The following PPP4R1 variants were observed in gnomAD, a reference collection of about 807,000 sequenced individuals.
PPP4R1 encodes serine/threonine-protein phosphatase 4 regulatory subunit 1.
PPP4R1 carries 42 observed loss-of-function variants against 111.2 expected under a neutral mutation model. The observed-to-expected ratio is 0.38, with a 90% CI of 0.29 to 0.49. The LOEUF (loss-of-function observed/expected upper bound fraction) is 0.49, where lower values mean the gene tolerates loss of function less well. PPP4R1 is among the 20% of genes least tolerant of loss of function. The pLI, the probability that PPP4R1 is intolerant of heterozygous loss-of-function variation, is 0.97. For synonymous variants in PPP4R1, 409 were observed against 405.5 expected, an observed-to-expected ratio of 1.01 and a Z score of -0.10; for missense variants, 1,012 against 1,161.6, an observed-to-expected ratio of 0.87 and a Z score of 1.87.
rs1257894200 is a variant in PPP4R1, at chr18:9,588,088, C to T, written c.585+1G>A. On this transcript the variant is annotated splice_donor_variant, in intron 6 of 19. Coordinates refer to ENST00000400556, the MANE Select transcript of PPP4R1 (RefSeq NM_001042388.3). LOFTEE classifies it high-confidence loss of function. The stretch of plus-strand genomic sequence containing the variant: ...AAGTGGAAAAATGGCATTTGACTTA[C>T]AGCCACAGCTTCTGTTTTCACATCA... The T allele has an allele frequency of 1.2e-6, 2 of 1,613,486 alleles. No homozygotes were observed. Among genetic ancestry groups the T allele is most frequent in the African/African-American group, 1.3e-5 (1 of 75,024 alleles).
chr18:9,593,636 G>A (rs2067246482), intron 4 of PPP4R1, 132 bp downstream of exon 4: 1 of 790,298 alleles, frequency 1.3e-6, no homozygotes, highest in Non-Finnish European at 1.9e-6. Context: ...TCACTGATGG[G>A]TTTGATAATT....
Position 9,547,840 on chromosome 18 carries a change from G to A in PPP4R1, c.2802C>T (p.Ala934=). 6.2e-7 allele frequency: 1 copy of A among 1,613,562 alleles called. No individual in the cohort carries two copies. Among genetic ancestry groups the A allele is most frequent in the African/African-American group, 1.3e-5 (1 of 74,998 alleles). Residue 934 remains alanine, a synonymous_variant, in exon 20 of 20, where the codon GCC becomes GCT. Transcript: ENST00000400556. ...DVKYFASIHP[A]STKISEDAMS... is the part of the protein sequence containing the mutation. Reference sequence around the variant, plus strand: ...TGGCATCTTCGGAGATTTTGGTACTGGCAGGGTGGATGCTTGCAAAATACT... The same window carrying A: ...TGGCATCTTCGGAGATTTTGGTACTAGCAGGGTGGATGCTTGCAAAATACT...
chr18:9,583,359 GCTT>G, intron 8 of PPP4R1, 84 bp from the exon 9 acceptor site: 7 of 1,271,182 alleles, frequency 5.5e-6, no homozygotes, highest in Non-Finnish European at 6.4e-6. Context: ...CTGCTTTCAC[GCTT>G]CTTTTGTTTG....
intron 13 of PPP4R1, among the ~76,000 whole-genome samples, chr18:9,561,437 T>C (rs913422070): frequency 1.3e-5 from 2 of 151,954 alleles, no homozygotes; most frequent in African/African-American, 4.8e-5. Flanking sequence ...AGTCCTGGTG[T>C]GCTCACAGGA....
In PPP4R1 at chr18:9,547,702, G is replaced by C; in HGVS notation, c.*87C>G. On this transcript the variant is annotated 3_prime_UTR_variant, in exon 20 of 20. Transcript: ENST00000400556. Reference sequence around the variant, plus strand: ...AGGAGAGGAAGGTCTCTCCTCCCCCGAAAGCTATCCCAGGTCACATGCGTG... The same window carrying C: ...AGGAGAGGAAGGTCTCTCCTCCCCCCAAAGCTATCCCAGGTCACATGCGTG... 1 of 1,513,210 alleles carries C rather than the reference G, an allele frequency of 6.6e-7. No individual in the cohort carries two copies. Among genetic ancestry groups the C allele is most frequent in the Non-Finnish European group, 9.1e-7 (1 of 1,104,364 alleles). The allele number at this position is 1,513,210 out of a possible 1,614,324, so 93.7% of individuals were successfully genotyped here.
At position 9,547,714 on chromosome 18, in the gene PPP4R1, A is replaced by G; in HGVS notation, c.*75T>C. The G allele has an allele frequency of 6.4e-7, 1 of 1,552,594 alleles. No individual in the cohort carries two copies. Among genetic ancestry groups the G allele is most frequent in the Non-Finnish European group, 8.8e-7 (1 of 1,132,180 alleles). On this transcript the variant is annotated 3_prime_UTR_variant, in exon 20 of 20. Coordinates refer to ENST00000400556, the MANE Select transcript of PPP4R1 (RefSeq NM_001042388.3). ...TCTCTCCTCCCCCGAAAGCTATCCC[A>G]GGTCACATGCGTGGCGAATGCCCAC... is the stretch of plus-strand genomic sequence containing the variant.
intron 10 of PPP4R1, 103 bp from the exon 11 acceptor site, chr18:9,570,786 T>C: frequency 2.4e-6 from 3 of 1,261,662 alleles, no homozygotes; most frequent in Non-Finnish European, 3.2e-6. Context: ...AAGTTAAACA[T>C]TAAAAATTAC....
chr18:9,569,440 A>G (rs1455022089), intron 11 of PPP4R1, among the ~76,000 whole-genome samples: 2 of 152,164 alleles, frequency 1.3e-5, no homozygotes, highest in African/African-American at 4.8e-5. Context: ...GTCTTTCCAT[A>G]AAAGAATGAC....
At chr18:9,584,851 C>G in intron 6 of PPP4R1, 23 bp from the exon 7 acceptor site, 1 of 1,534,076 alleles carries the variant, frequency 6.5e-7, no homozygotes. Context: ...AGAACAAACA[C>G]ACACTGAAAA....
At chr18:9,596,831 A>G (rs1028157882) in intron 2 of PPP4R1, among the ~76,000 whole-genome samples, 2 of 152,256 alleles carry the variant, frequency 1.3e-5, no homozygotes, top group African/African-American at 4.8e-5. Context: ...AACATTATCA[A>G]AAAGAGAACA....
chr18:9,582,099 G>A (rs1395639630), intron 9 of PPP4R1, among the ~76,000 whole-genome samples: 1 of 152,000 alleles, frequency 6.6e-6, no homozygotes, highest in African/African-American at 2.4e-5. Context: ...AAGAAGGAAG[G>A]AAGACCTCTA....
intron 15 of PPP4R1, among the ~76,000 whole-genome samples, chr18:9,556,600 G>A (rs1410132975): frequency 1.3e-5 from 2 of 152,136 alleles, no homozygotes; most frequent in Non-Finnish European, 2.9e-5. Context: ...AGTACTCCAG[G>A]AGTAAACAAT....
At position 9,614,266 on chromosome 18, in the gene PPP4R1, G is replaced by A. The variant is rs756349101; in HGVS notation, c.12C>T (p.Leu4=). The A allele has an allele frequency of 1.3e-5, 18 of 1,344,530 alleles. No homozygotes were observed. In the South Asian group the frequency reaches 2.9e-4, roughly 22 times the overall value. The allele number at this position is 1,344,530 out of a possible 1,614,324, so 83.3% of individuals were successfully genotyped here. A position where few individuals can be genotyped will look rare whatever the true frequency, so the allele number is the denominator to read the frequency against. ...CCTGCAGGTCCTCCTGAAGCAGCGA[G>A]AGGTCTGCGCCGAGGGGAGAGAAGA... MAD[L]SLLQEDLQED... Residue 4 remains leucine, a synonymous_variant, in exon 2 of 20, where the codon CTC becomes CTT. Transcript: ENST00000400556. The surrounding 1 kb of genome is among the most constrained non-coding windows in gnomAD (Gnocchi z 4.1).
intron 9 of PPP4R1, among the ~76,000 whole-genome samples, chr18:9,580,193 A>G (rs1157483385): frequency 2.6e-5 from 4 of 152,204 alleles, no homozygotes; most frequent in Non-Finnish European, 5.9e-5. Flanking sequence ...CGGTGTGAGG[A>G]GCTCAGCTGA....
chr18:9,602,409 G>T (rs1199045273), intron 2 of PPP4R1, among the ~76,000 whole-genome samples: 1 of 149,880 alleles, frequency 6.7e-6, no homozygotes, highest in Non-Finnish European at 1.5e-5. Flanking sequence ...AGCCGGGCGT[G>T]GTGGCGGGCG....
At chr18:9,562,865 G>A in intron 12 of PPP4R1, 1 of 985,670 alleles carries the variant, frequency 1.0e-6, no homozygotes, top group Non-Finnish European at 1.2e-6. Context: ...ATTAGGGAAG[G>A]ATCATAGAGA....
At chr18:9,603,331 A>G (rs948644479) in intron 2 of PPP4R1, among the ~76,000 whole-genome samples, 2 of 152,004 alleles carry the variant, frequency 1.3e-5, no homozygotes, top group Non-Finnish European at 2.9e-5. Context: ...TTATCCATGA[A>G]TACATAATTA....
At chr18:9,560,599 T>C (rs1351106341) in intron 13 of PPP4R1, among the ~76,000 whole-genome samples, 1 of 152,150 alleles carries the variant, frequency 6.6e-6, no homozygotes, top group Non-Finnish European at 1.5e-5. Context: ...GGAAATAAAC[T>C]CATTAAAATG....
intron 6 of PPP4R1, 141 bp from the exon 7 acceptor site, chr18:9,584,969 C>T: frequency 1.7e-6 from 1 of 598,426 alleles, no homozygotes; most frequent in East Asian, 3.0e-5. Flanking sequence ...AGAAAACATT[C>T]ATAGCCAATT....
Sources: allele counts gnomAD v4.1 joint callset (sites outside exome capture counted in the v4.1 genomes callset), GRCh38; gene constraint gnomAD v4.1.1; non-coding constraint Gnocchi (gnomAD v3.1); transcripts MANE v1.5; gene names NCBI Gene and HGNC (gene_info 2026-07-23, HGNC 2026-07-21).